CHMP6: variants seen among roughly 807,000 people sequenced by gnomAD.
The protein encoded by CHMP6 is charged multivesicular body protein 6, also known as chromatin-modifying protein 6.
Under a neutral mutation model 32.8 loss-of-function variants are expected in CHMP6, and 10 were observed. The observed-to-expected ratio is 0.30, with a 90% CI of 0.19 to 0.52. The LOEUF is 0.52. Ranked by LOEUF, CHMP6 falls within the 20% of genes least tolerant of loss-of-function variation. The probability of loss-of-function intolerance (pLI) is 0.97; values close to 1 mark genes in which losing one functional copy is unlikely to be tolerated. For synonymous variants in CHMP6, 123 were observed against 105.8 expected (o/e 1.16, Z -1.00); for missense variants, 269 against 263.8 (o/e 1.02, Z -0.14).
intron 1 of CHMP6, 40 bp downstream of exon 1, chr17:80,992,021 AGGCGACGGGGCCGGGGCG>A (rs1357856318): frequency 1.5e-6 from 2 of 1,323,826 alleles, no homozygotes; most frequent in Non-Finnish European, 2.0e-6. Flanking sequence ...GGGCCGGGAC[AGGCGACGGGGCCGGGGCG>A]GGCGGCGGGG....
chr17:80,995,037 C>T lies in CHMP6; in HGVS notation c.192C>T (p.Leu64=), dbSNP rs146625286. Residue 64 remains leucine, a synonymous_variant, in exon 3 of 8, where the codon CTC becomes CTT. Coordinates refer to ENST00000325167, the MANE Select transcript of CHMP6 (RefSeq NM_024591.5). ...DGRKERAKLL[L]KKKRYQEQLL... ...TCTGCAGACGGGCCAAGCTGCTGCT[C>T]AAGAAGAAGCGATACCAGGAGCAGC... 139 of 1,598,754 alleles carry T rather than the reference C, an allele frequency of 8.7e-5. No individual in the cohort carries two copies. In the African/African-American group the frequency reaches 1.2e-3, roughly 14 times the overall value.
chr17:80,996,970 C>T (rs1282791394), intron 4 of CHMP6, 37 bp from the exon 5 acceptor site: 12 of 1,590,970 alleles, frequency 7.5e-6, no homozygotes, highest in African/African-American at 2.7e-5. Context: ...CCATTGGCCT[C>T]GCGACAGGGG....
At chr17:80,995,211 C>A in intron 3 of CHMP6, 105 bp downstream of exon 3, 1 of 1,135,180 alleles carries the variant, frequency 8.8e-7, no homozygotes, top group Non-Finnish European at 1.3e-6. Flanking sequence ...AAGCTCCTCT[C>A]AGATGCCTCG....
intron 4 of CHMP6, among the ~76,000 whole-genome samples, chr17:80,996,201 AC>A (rs2069636193): frequency 6.6e-6 from 1 of 151,940 alleles, no homozygotes; most frequent in East Asian, 1.9e-4. Flanking sequence ...GCACCTGTAA[AC>A]CCAGCTACTC....
Position 80,991,850 on chromosome 17 carries a change from G to A in CHMP6, c.-69G>A. The stretch of plus-strand genomic sequence containing the variant: ...CGGCCGCCGTAGCGGGAGGACCCGA[G>A]CTACGGTGGCCGCGGGGCGGCGGTG... On this transcript the variant is annotated 5_prime_UTR_variant, in exon 1 of 8. Transcript: ENST00000325167. 1 of 1,260,314 alleles carries A rather than the reference G, an allele frequency of 7.9e-7. No homozygotes were observed. The highest frequency in any genetic ancestry group is 1.0e-6 in the Non-Finnish European group (1 of 978,346). 78.1% of individuals were successfully genotyped at this position (1,260,314 alleles called of 1,614,324 possible).
At position 80,991,911 on chromosome 17, in the gene CHMP6, G is replaced by A. The variant is rs756151571; in HGVS notation, c.-8G>A. 6 of 1,455,646 alleles carry A rather than the reference G, an allele frequency of 4.1e-6. No individual in the cohort carries two copies. The highest frequency in any genetic ancestry group is 1.5e-5 in the African/African-American group (1 of 68,046). The allele number at this position is 1,455,646 out of a possible 1,614,324, so 90.2% of individuals were successfully genotyped here. ...TTGGTGGGTCCCGGGCCAGGGGCGG[G>A]CGCCGCCATGGGTAACCTGTTCGGC... On this transcript the variant is annotated 5_prime_UTR_variant, in exon 1 of 8. Coordinates refer to ENST00000325167, the MANE Select transcript of CHMP6 (RefSeq NM_024591.5).
chr17:80,998,298 C>T (rs1224123574), intron 6 of CHMP6, 68 bp from the exon 7 acceptor site: 6 of 1,571,236 alleles, frequency 3.8e-6, no homozygotes, highest in South Asian at 2.2e-5. Flanking sequence ...CGTGTCCTCT[C>T]GGGGAGGCCC....
At chr17:80,992,502 C>T (rs2069601684) in intron 1 of CHMP6, among the ~76,000 whole-genome samples, 1 of 152,238 alleles carries the variant, frequency 6.6e-6, no homozygotes, top group Non-Finnish European at 1.5e-5. Context: ...CTCACCCCAT[C>T]CAGGCCAGGA....
intron 1 of CHMP6, 140 bp from the exon 2 acceptor site, chr17:80,994,441 C>A: frequency 1.6e-6 from 1 of 621,308 alleles, no homozygotes; most frequent in Non-Finnish European, 2.7e-6. Context: ...CCAGACAGCA[C>A]CACCTGTCCC....
Position 80,999,345 on chromosome 17 carries a change from T to A in CHMP6, c.*192T>A, listed in dbSNP as rs2069666155. 5.1e-6 allele frequency: 3 copies of A among 587,088 alleles called. No individual in the cohort carries two copies. The East Asian group carries it at 8.9e-5, about 17-fold the overall frequency. The allele number at this position is 587,088 out of a possible 1,614,324, so 36.4% of individuals were successfully genotyped here. A position where few individuals can be genotyped will look rare whatever the true frequency, so the allele number is the denominator to read the frequency against. ...CTGGAGACCTTGAGCCTGAACGCACTCAGGCGCCACTGGCCTGCTCTCAGT... is the reference window on the plus strand; with the variant it reads ...CTGGAGACCTTGAGCCTGAACGCACACAGGCGCCACTGGCCTGCTCTCAGT... On this transcript the variant is annotated 3_prime_UTR_variant, in exon 8 of 8. Coordinates refer to ENST00000325167, the MANE Select transcript of CHMP6 (RefSeq NM_024591.5).
Position 80,992,380 on chromosome 17 carries a change from C to T in CHMP6, c.63+399C>T, listed in dbSNP as rs544698501. Among the ~76,000 whole-genome samples, 22 of 117,264 alleles carry T rather than the reference C, an allele frequency of 1.9e-4. 1 individual carries two copies. The South Asian group carries it at 5.4e-3, about 29-fold the overall frequency. 76.9% of individuals were successfully genotyped at this position (117,264 alleles called of 152,430 possible). ...CCGCGGGAGCAGGTCCCGGCTCTCC[C>T]GGAGTCGCTGCCCCCGCCCCCGTCC... On this transcript the variant is annotated intron_variant, in intron 1 of 7. Transcript: ENST00000325167.
chr17:80,998,561 G>A (rs1360359109), intron 7 of CHMP6, 141 bp downstream of exon 7: 1 of 1,534,856 alleles, frequency 6.5e-7, no homozygotes, highest in African/African-American at 1.4e-5. Flanking sequence ...TTGGGGGCGT[G>A]CGTGCCTGGC....
chr17:80,995,471 T>C (rs978053788), intron 3 of CHMP6, among the ~76,000 whole-genome samples: 1 of 152,098 alleles, frequency 6.6e-6, no homozygotes, highest in African/African-American at 2.4e-5. Flanking sequence ...AGCGGTCCCC[T>C]GAGTGTGTCC....
In CHMP6 at chr17:80,999,253, A is replaced by C; in HGVS notation, c.*100A>C. On this transcript the variant is annotated 3_prime_UTR_variant, in exon 8 of 8. Transcript: ENST00000325167. ...CCCCTGACCGGGTTCCCTGGAGCCC[A>C]GTGCGCACGGTGCTGAGCAGAGCTG... 1 of 1,367,344 alleles carries C rather than the reference A, an allele frequency of 7.3e-7. No homozygotes were observed. Among genetic ancestry groups the C allele is most frequent in the East Asian group, 2.3e-5 (1 of 43,416 alleles). The allele number at this position is 1,367,344 out of a possible 1,614,324, so 84.7% of individuals were successfully genotyped here.
intron 1 of CHMP6, among the ~76,000 whole-genome samples, chr17:80,993,941 C>T (rs1481370573): frequency 6.6e-6 from 1 of 151,870 alleles, no homozygotes; most frequent in Non-Finnish European, 1.5e-5. Flanking sequence ...GAGATGGAGT[C>T]TCACTCTGTC....
In CHMP6 at chr17:80,991,967, GAC is replaced by G; in HGVS notation, c.51_52del (p.Asp17GlufsTer75). 6.9e-7 allele frequency: 1 copy of G among 1,449,874 alleles called. No homozygotes were observed. The allele number at this position is 1,449,874 out of a possible 1,614,324, so 89.8% of individuals were successfully genotyped here. A position where few individuals can be genotyped will look rare whatever the true frequency, so the allele number is the denominator to read the frequency against. The stretch of plus-strand genomic sequence containing the variant: ...GAAGCAGAGCCGCGTCACGGAGCAG[GAC>G]AAGGCCATCCTGGTGAGGGCCCGGG... ...RKKQSRVTEQ[D>X]KAILQLKQQR... On this transcript the variant is annotated frameshift_variant, in exon 1 of 8. Coordinates refer to ENST00000325167, the MANE Select transcript of CHMP6 (RefSeq NM_024591.5). LOFTEE classifies it high-confidence loss of function.
At chr17:80,993,933 G>T (rs2069614686) in intron 1 of CHMP6, among the ~76,000 whole-genome samples, 1 of 151,508 alleles carries the variant, frequency 6.6e-6, no homozygotes, top group Admixed American at 6.6e-5. Flanking sequence ...TTTTTTTTGA[G>T]ATGGAGTCTC....
intron 7 of CHMP6, chr17:80,998,817 A>C (rs893453082): frequency 2.6e-6 from 2 of 766,394 alleles, no homozygotes; most frequent in African/African-American, 1.8e-5. Context: ...CCGTCCATCC[A>C]CGTTTGTTCT....
At position 80,997,004 on chromosome 17, in the gene CHMP6, C is replaced by T. The variant is rs561583746; in HGVS notation, c.349-3C>T. 4 of 1,613,118 alleles carry T rather than the reference C, an allele frequency of 2.5e-6. No homozygotes were observed. The African/African-American group carries it at 4.0e-5, about 16-fold the overall frequency. On this transcript the variant is annotated splice_region_variant and splice_polypyrimidine_tract_variant and intron_variant, in intron 4 of 7. Coordinates refer to ENST00000325167, the MANE Select transcript of CHMP6 (RefSeq NM_024591.5). ...GGTCAACACCCATCACCCTCGTCCA[C>T]AGGTGATGTCCATTGAAGAGGTGGA...
Sources: gnomAD v4.1 joint callset for allele counts (sites outside exome capture counted in the v4.1 genomes callset) on GRCh38, gnomAD v4.1.1 for gene constraint, MANE v1.5 for transcripts, NCBI Gene and HGNC (gene_info 2026-07-23, HGNC 2026-07-21) for gene names.